The following ADAMTS3 variants were observed in gnomAD, a reference collection of about 807,000 sequenced individuals.
ADAMTS3 encodes ADAM metallopeptidase with thrombospondin type 1 motif 3, also known as A disintegrin and metalloproteinase with thrombospondin motifs 3.
In ADAMTS3, 73 loss-of-function variants were observed where a neutral mutation model predicts 129.0. The ratio of observed to expected loss-of-function variants is 0.57; its 90% CI spans 0.47 to 0.69. ADAMTS3 has a LOEUF of 0.69. ADAMTS3 is among the 30% of genes least tolerant of loss of function. ADAMTS3 has a pLI of 0.00. For missense variants in ADAMTS3, 1,457 were observed against 1,514.5 expected, an observed-to-expected ratio of 0.96 and a Z score of 0.63; for synonymous variants, 477 against 510.8, an observed-to-expected ratio of 0.93 and a Z score of 0.89.
intron 4 of ADAMTS3, among the ~76,000 whole-genome samples, chr4:72,400,846 T>C (rs541969852): frequency 2.0e-5 from 3 of 151,408 alleles, no homozygotes; most frequent in African/African-American, 7.3e-5. Flanking sequence ...TATATATGTG[T>C]ATATATCTGT....
At chr4:72,539,707 G>A (rs988075692) in intron 3 of ADAMTS3, among the ~76,000 whole-genome samples, 3 of 152,030 alleles carry the variant, frequency 2.0e-5, no homozygotes, top group African/African-American at 7.3e-5. Context: ...TTATGGGGGT[G>A]GGTCTTTCCT....
intron 4 of ADAMTS3, among the ~76,000 whole-genome samples, chr4:72,362,563 A>G (rs1434337366): frequency 6.6e-6 from 1 of 152,150 alleles, no homozygotes; most frequent in Non-Finnish European, 1.5e-5. Context: ...ACTGTTACTG[A>G]AAATTTTCTC....
intron 4 of ADAMTS3, among the ~76,000 whole-genome samples, chr4:72,382,759 T>C (rs755690839): frequency 2.0e-5 from 3 of 152,134 alleles, no homozygotes; most frequent in Non-Finnish European, 4.4e-5. Context: ...GCTGTTATCC[T>C]AAGTAAAACA....
At chr4:72,521,011 T>G (rs1720658248) in intron 3 of ADAMTS3, among the ~76,000 whole-genome samples, 1 of 151,884 alleles carries the variant, frequency 6.6e-6, no homozygotes, top group Admixed American at 6.6e-5. Context: ...TTCTTTTTTT[T>G]TTTTGAGACA....
At chr4:72,382,624 A>G (rs1721323944) in intron 4 of ADAMTS3, among the ~76,000 whole-genome samples, 1 of 152,162 alleles carries the variant, frequency 6.6e-6, no homozygotes, top group South Asian at 2.1e-4. Flanking sequence ...AAAGTCATGG[A>G]CTCAAACTAG....
intron 3 of ADAMTS3, among the ~76,000 whole-genome samples, chr4:72,542,310 G>A (rs1237046774): frequency 9.9e-5 from 15 of 151,870 alleles, no homozygotes; most frequent in South Asian, 4.2e-4. Flanking sequence ...GACTACAGGC[G>A]CCCACCACCA....
intron 3 of ADAMTS3, among the ~76,000 whole-genome samples, chr4:72,522,515 G>C (rs1421449606): frequency 1.3e-5 from 2 of 152,102 alleles, no homozygotes; most frequent in African/African-American, 4.8e-5. Flanking sequence ...AAACTCAGAG[G>C]CCAGGAATAG....
intron 3 of ADAMTS3, among the ~76,000 whole-genome samples, chr4:72,419,594 T>C (rs765016689): frequency 4.6e-5 from 7 of 152,192 alleles, no homozygotes; most frequent in Non-Finnish European, 8.8e-5. Flanking sequence ...GTAAACTTTC[T>C]TAAAACGTTA....
At chr4:72,308,733 T>A (rs1024336948) in intron 15 of ADAMTS3, among the ~76,000 whole-genome samples, 1 of 151,958 alleles carries the variant, frequency 6.6e-6, no homozygotes, top group African/African-American at 2.4e-5. Flanking sequence ...TTTTGCCTAT[T>A]ATTTGATGCA....
In ADAMTS3 at chr4:72,548,458, C is replaced by T. The variant is rs746700666; in HGVS notation, c.504+20G>A. On this transcript the variant is annotated intron_variant, in intron 3 of 21. Transcript: ENST00000286657. ...CTCCCAGCACCTGCAAACATACGCA[C>T]AAAACAGAAGGAGTCTTACCAGACC... is the stretch of plus-strand genomic sequence containing the variant. The T allele has an allele frequency of 1.2e-6, 2 of 1,607,090 alleles. No homozygotes were observed. The highest frequency in any genetic ancestry group is 2.2e-5 in the South Asian group (2 of 90,380).
chr4:72,456,537 T>A (rs1356504356), intron 3 of ADAMTS3, among the ~76,000 whole-genome samples: 1 of 150,626 alleles, frequency 6.6e-6, no homozygotes, highest in Non-Finnish European at 1.5e-5. Flanking sequence ...ACCAGCAGCA[T>A]CTGTGAATGA....
chr4:72,305,677 C>T (rs566355084), intron 16 of ADAMTS3, among the ~76,000 whole-genome samples: 1 of 151,938 alleles, frequency 6.6e-6, no homozygotes, highest in South Asian at 2.1e-4. Context: ...AAAAAACCTA[C>T]ATAACATTCA....
intron 4 of ADAMTS3, among the ~76,000 whole-genome samples, chr4:72,399,137 G>A (rs1221451038): frequency 6.6e-6 from 1 of 152,154 alleles, no homozygotes; most frequent in African/African-American, 2.4e-5. Flanking sequence ...TGGAGAAAAT[G>A]TTTAAGTTAT....
intron 2 of ADAMTS3, among the ~76,000 whole-genome samples, chr4:72,560,723 A>G (rs1169536864): frequency 1.3e-5 from 2 of 152,204 alleles, no homozygotes; most frequent in Admixed American, 1.3e-4. Context: ...TAGGAAAAAT[A>G]GCTAATACAT....
intron 5 of ADAMTS3, among the ~76,000 whole-genome samples, chr4:72,336,926 C>T (rs1190108263): frequency 6.6e-6 from 1 of 151,658 alleles, no homozygotes; most frequent in Non-Finnish European, 1.5e-5. Flanking sequence ...CTGACGTGGA[C>T]ACAAATTATC....
chr4:72,286,901 G>C (rs777121751), intron 21 of ADAMTS3, among the ~76,000 whole-genome samples: 3 of 152,022 alleles, frequency 2.0e-5, no homozygotes, highest in African/African-American at 7.2e-5. Flanking sequence ...GAGAAAGATA[G>C]GAGGAGAAAG....
At chr4:72,319,798 T>C in intron 8 of ADAMTS3, 60 bp downstream of exon 8, 1 of 1,353,386 alleles carries the variant, frequency 7.4e-7, no homozygotes, top group Admixed American at 1.8e-5. Context: ...GAAACAATAC[T>C]GGGAGAAGCA....
At chr4:72,352,756 T>TA (rs1720473375) in intron 4 of ADAMTS3, among the ~76,000 whole-genome samples, 1 of 151,952 alleles carries the variant, frequency 6.6e-6, no homozygotes, top group African/African-American at 2.4e-5. Flanking sequence ...GCACAGATAT[T>TA]AGACATGGAG....
intron 3 of ADAMTS3, among the ~76,000 whole-genome samples, chr4:72,422,529 T>C (rs1722472418): frequency 6.6e-6 from 1 of 152,104 alleles, no homozygotes; most frequent in South Asian, 2.1e-4. Context: ...TCTGACAGCA[T>C]TTCGGAGGGG....
Sources: allele counts gnomAD v4.1 joint callset (sites outside exome capture counted in the v4.1 genomes callset), GRCh38; gene constraint gnomAD v4.1.1; transcripts MANE v1.5; gene names NCBI Gene and HGNC (gene_info 2026-07-23, HGNC 2026-07-21).